The following SLC71A2 variants were observed in gnomAD, a reference collection of about 807,000 sequenced individuals.
SLC71A2 encodes hippocampus abundant transcript-like 1.
At chr9:94,406,366 T>C in the SLC71A2 span, among the ~76,000 whole-genome samples, 1 of 152,060 alleles carries the variant, frequency 6.6e-6, no homozygotes, top group African/African-American at 2.4e-5. Flanking sequence ...CAGACTCCCA[T>C]GTAGCTGGGA....
the SLC71A2 span, among the ~76,000 whole-genome samples, chr9:94,424,353 G>C: frequency 6.6e-6 from 1 of 151,656 alleles, no homozygotes; most frequent in South Asian, 2.1e-4. Flanking sequence ...TCCTGCTTTA[G>C]CCTCCTGAGT....
the SLC71A2 span, among the ~76,000 whole-genome samples, chr9:94,424,722 T>C: frequency 1.2e-4 from 15 of 125,012 alleles, no homozygotes. Flanking sequence ...ACATATTGTT[T>C]TCTGCTTTTT....
chr9:94,441,963 A>G, the SLC71A2 span, among the ~76,000 whole-genome samples: 1 of 152,196 alleles, frequency 6.6e-6, no homozygotes, highest in Non-Finnish European at 1.5e-5. Context: ...CAGATGTTTC[A>G]GGGGAAAAGA....
the SLC71A2 span, among the ~76,000 whole-genome samples, chr9:94,415,813 C>G: frequency 3.3e-5 from 5 of 152,136 alleles, no homozygotes; most frequent in South Asian, 1.0e-3. Flanking sequence ...GCCTGCTGCT[C>G]TGTGTGGCTG....
the SLC71A2 span, among the ~76,000 whole-genome samples, chr9:94,375,346 C>T: frequency 4.6e-5 from 7 of 151,786 alleles, no homozygotes; most frequent in Non-Finnish European, 1.0e-4. Flanking sequence ...CTTCCGTGTT[C>T]TCCCGGCGTC....
chr9:94,443,174 C>G, the SLC71A2 span, among the ~76,000 whole-genome samples: 1 of 152,112 alleles, frequency 6.6e-6, no homozygotes, highest in Non-Finnish European at 1.5e-5. Flanking sequence ...CTCTCCAGCT[C>G]AGCTCCTCAT....
At chr9:94,426,190 C>T in the SLC71A2 span, among the ~76,000 whole-genome samples, 1 of 150,506 alleles carries the variant, frequency 6.6e-6, no homozygotes, top group East Asian at 2.0e-4. Flanking sequence ...GGGCACCGTC[C>T]TTTTTGAATC....
the SLC71A2 span, among the ~76,000 whole-genome samples, chr9:94,420,351 G>C: frequency 6.6e-6 from 1 of 152,166 alleles, no homozygotes; most frequent in Non-Finnish European, 1.5e-5. Context: ...CACAGAGCTG[G>C]GATTGGGGGA....
At chr9:94,459,272 C>CA in the SLC71A2 span, 1 of 1,613,786 alleles carries the variant, frequency 6.2e-7, no homozygotes, top group South Asian at 1.1e-5. Context: ...AGTTCAAAAA[C>CA]ACAGTAACAG....
the SLC71A2 span, among the ~76,000 whole-genome samples, chr9:94,392,100 T>C: frequency 3.3e-5 from 5 of 151,528 alleles, no homozygotes; most frequent in African/African-American, 1.2e-4. Context: ...GGGAGAGATG[T>C]TGGAGGTAGA....
chr9:94,386,945 C>T, the SLC71A2 span, among the ~76,000 whole-genome samples: 1 of 151,776 alleles, frequency 6.6e-6, no homozygotes, highest in Non-Finnish European at 1.5e-5. Flanking sequence ...TTTCTACTAT[C>T]CATTTATATT....
chr9:94,454,843 G>A, the SLC71A2 span, among the ~76,000 whole-genome samples: 532 of 152,184 alleles, frequency 3.5e-3, 7 homozygotes, highest in African/African-American at 0.012. Context: ...GCATTCTGCC[G>A]CAGTTATTAC....
chr9:94,456,138 G>A, the SLC71A2 span: 1 of 699,334 alleles, frequency 1.4e-6, no homozygotes, highest in Non-Finnish European at 2.4e-6. Flanking sequence ...AAATGTAACA[G>A]GAGAAAACAA....
At chr9:94,385,018 G>A in the SLC71A2 span, among the ~76,000 whole-genome samples, 8 of 151,968 alleles carry the variant, frequency 5.3e-5, no homozygotes, top group African/African-American at 1.9e-4. Context: ...CTGGCCAGAT[G>A]CTGTTCCCTC....
the SLC71A2 span, chr9:94,453,823 G>C: frequency 1.5e-6 from 1 of 650,636 alleles, no homozygotes; most frequent in Non-Finnish European, 2.8e-6. Flanking sequence ...GTACTGTCCA[G>C]ACTCTGAGGT....
chr9:94,450,355 G>C, the SLC71A2 span, among the ~76,000 whole-genome samples: 1 of 152,104 alleles, frequency 6.6e-6, no homozygotes, highest in Non-Finnish European at 1.5e-5. Context: ...AGAGGTTCTA[G>C]CCCTAGGACT....
At chr9:94,424,174 G>A in the SLC71A2 span, among the ~76,000 whole-genome samples, 1 of 151,588 alleles carries the variant, frequency 6.6e-6, no homozygotes, top group Non-Finnish European at 1.5e-5. Flanking sequence ...TTAGTATTCT[G>A]TTGAGCTATA....
the SLC71A2 span, among the ~76,000 whole-genome samples, chr9:94,413,943 G>T: frequency 5.3e-5 from 8 of 152,226 alleles, no homozygotes; most frequent in East Asian, 1.5e-3. Context: ...CCTCTCATAT[G>T]CCTGTGGCAG....
chr9:94,389,035 T>G, the SLC71A2 span, among the ~76,000 whole-genome samples: 1 of 151,930 alleles, frequency 6.6e-6, no homozygotes, highest in African/African-American at 2.4e-5. Context: ...ATATATGCAC[T>G]AGAGGCTATA....
Sources: allele counts gnomAD v4.1 joint callset (sites outside exome capture counted in the v4.1 genomes callset), GRCh38; gene constraint gnomAD v4.1.1; transcripts MANE v1.5; gene names NCBI Gene and HGNC (gene_info 2026-07-23, HGNC 2026-07-21).